Variants in CX3CL1 observed in about 807,000 individuals in gnomAD.
The protein encoded by CX3CL1 is C-X3-C motif chemokine ligand 1.
Under a neutral mutation model 14.1 loss-of-function variants are expected in CX3CL1, and 1 was observed. That is an observed-to-expected ratio of 0.07 (90% confidence interval 0.03 to 0.34). CX3CL1 has a LOEUF of 0.34. CX3CL1 is among the 10% of genes least tolerant of loss of function. The pLI, the probability that CX3CL1 is intolerant of heterozygous loss-of-function variation, is 0.99. For missense variants in CX3CL1, 505 were observed against 536.4 expected (o/e 0.94, Z 0.58); for synonymous variants, 255 against 229.6 (o/e 1.11, Z -1.00).
At chr16:57,379,520 G>T in intron 1 of CX3CL1, 114 bp from the exon 2 acceptor site, 1 of 1,353,784 alleles carries the variant, frequency 7.4e-7, no homozygotes, top group Non-Finnish European at 1.0e-6. Flanking sequence ...GAAGGCCAGG[G>T]TGTACAGGGG....
rs67090371 is a variant in CX3CL1, at chr16:57,384,211, C to T, written c.*1179C>T. 4,602 of 152,568 alleles carry T rather than the reference C, an allele frequency of 0.03. 85 individuals carry two copies. Among genetic ancestry groups the T allele is most frequent in the African/African-American group, 0.045 (1,858 of 41,574 alleles). The allele number at this position is 152,568 out of a possible 1,614,324, so 9.5% of individuals were successfully genotyped here. On this transcript the variant is annotated 3_prime_UTR_variant, in exon 3 of 3. Coordinates refer to ENST00000006053, the MANE Select transcript of CX3CL1 (RefSeq NM_002996.6). ...CGCCAGATTCTTTCCTGAGGCTGGG[C>T]TCCCTTCCCACCTCTCTCACTCCTT...
Position 57,383,168 on chromosome 16 carries a change from A to G in CX3CL1, c.*136A>G. The G allele has an allele frequency of 1.3e-6, 1 of 760,018 alleles. No individual in the cohort carries two copies. Among genetic ancestry groups the G allele is most frequent in the Non-Finnish European group, 1.9e-6 (1 of 535,104 alleles). 47.1% of individuals were successfully genotyped at this position (760,018 alleles called of 1,614,324 possible). ...GGAGGTGGGATCCTCCAGGTGCACAAGCTCCAAGCTCCCAGGCATTCCCCA... is the reference window on the plus strand; with the variant it reads ...GGAGGTGGGATCCTCCAGGTGCACAGGCTCCAAGCTCCCAGGCATTCCCCA... On this transcript the variant is annotated 3_prime_UTR_variant, in exon 3 of 3. Coordinates refer to ENST00000006053, the MANE Select transcript of CX3CL1 (RefSeq NM_002996.6).
intron 1 of CX3CL1, chr16:57,378,051 C>T (rs1466859365): frequency 1.3e-5 from 2 of 152,286 alleles, no homozygotes; most frequent in Non-Finnish European, 2.9e-5. Flanking sequence ...ACTCTGCCCC[C>T]ACCTTATTCA....
At position 57,383,047 on chromosome 16, in the gene CX3CL1, T is replaced by C. The variant is rs748165076; in HGVS notation, c.*15T>C. ...TGCCCGTGTGAACTCCTCTGGCCTG[T>C]GTCTAGTTGTTTGATTCAGACAGCT... On this transcript the variant is annotated 3_prime_UTR_variant, in exon 3 of 3. Transcript: ENST00000006053. 2.6e-5 allele frequency: 37 copies of C among 1,398,566 alleles called. No homozygotes were observed. The highest frequency in any genetic ancestry group is 3.5e-5 in the Non-Finnish European group (37 of 1,068,590). 86.6% of individuals were successfully genotyped at this position (1,398,566 alleles called of 1,614,324 possible). A position where few individuals can be genotyped will look rare whatever the true frequency, so the allele number is the denominator to read the frequency against.
Position 57,383,787 on chromosome 16 carries a change from A to T in CX3CL1, c.*755A>T, listed in dbSNP as rs1159195521. 1 of 152,496 alleles carries T rather than the reference A, an allele frequency of 6.6e-6. No individual in the cohort carries two copies. The highest frequency in any genetic ancestry group is 1.9e-4 in the East Asian group (1 of 5,186). 9.4% of individuals were successfully genotyped at this position (152,496 alleles called of 1,614,324 possible). A position where few individuals can be genotyped will look rare whatever the true frequency, so the allele number is the denominator to read the frequency against. ...AAGGAATACCTGTCCCCCTGACAACACTCATTGACCTGAGGCCCTTCTCTC... is the reference window on the plus strand; with the variant it reads ...AAGGAATACCTGTCCCCCTGACAACTCTCATTGACCTGAGGCCCTTCTCTC... On this transcript the variant is annotated 3_prime_UTR_variant, in exon 3 of 3. Coordinates refer to ENST00000006053, the MANE Select transcript of CX3CL1 (RefSeq NM_002996.6).
rs146218029 is a variant in CX3CL1 at position 57,382,542 on chromosome 16, C to A, written c.704C>A (p.Ala235Asp). ...STQASTASSP[A>D]PEENAPSEGQ... ...CAGGCCTCCACTGCGTCCTCCCCAG[C>A]CCCAGAGGAGAATGCTCCGTCTGAA... Residue 235 changes from alanine (A) to aspartate (D), a missense_variant, in exon 3 of 3, where the codon GCC becomes GAC. Physicochemically the swap from Ala to Asp is moderately radical, Grantham distance 126. Coordinates refer to ENST00000006053, the MANE Select transcript of CX3CL1 (RefSeq NM_002996.6). The surrounding 1 kb of genome is among the most constrained non-coding windows in gnomAD (Gnocchi z 6.9). The A allele has an allele frequency of 4.6e-4, 738 of 1,613,950 alleles. No homozygotes were observed. The African/African-American group carries it at 9.1e-3, about 20-fold the overall frequency.
Position 57,384,072 on chromosome 16 carries a change from A to G in CX3CL1, c.*1040A>G, listed in dbSNP as rs1902377915. On this transcript the variant is annotated 3_prime_UTR_variant, in exon 3 of 3. Coordinates refer to ENST00000006053, the MANE Select transcript of CX3CL1 (RefSeq NM_002996.6). ...CGCTAAGAGGGAGGGAGGGCTCCAGACACATGTCCAAGAAGCCCAGGAAAG... is the reference window on the plus strand; with the variant it reads ...CGCTAAGAGGGAGGGAGGGCTCCAGGCACATGTCCAAGAAGCCCAGGAAAG... 6.6e-6 allele frequency: 1 copy of G among 152,200 alleles called. No individual in the cohort carries two copies. Among genetic ancestry groups the G allele is most frequent in the Non-Finnish European group, 1.5e-5 (1 of 68,054 alleles). The allele number at this position is 152,200 out of a possible 1,614,324, so 9.4% of individuals were successfully genotyped here.
chr16:57,379,303 G>A (rs1347384751), intron 1 of CX3CL1: 2 of 357,236 alleles, frequency 5.6e-6, no homozygotes, highest in Non-Finnish European at 5.0e-6. Context: ...TCCAGCCTGG[G>A]CAACAAGAGC....
At position 57,383,483 on chromosome 16, in the gene CX3CL1, G is replaced by A. The variant is rs1263436828; in HGVS notation, c.*451G>A. ...CCTGCTGCAGTTGCCAGTCACCCCG[G>A]CCACCTGCGGTGCTATCTCCCCCAG... On this transcript the variant is annotated 3_prime_UTR_variant, in exon 3 of 3. Coordinates refer to ENST00000006053, the MANE Select transcript of CX3CL1 (RefSeq NM_002996.6). The A allele has an allele frequency of 5.1e-5, 8 of 156,550 alleles. No homozygotes were observed. Among genetic ancestry groups the A allele is most frequent in the Middle Eastern group, 3.0e-3 (1 of 336 alleles). 9.7% of individuals were successfully genotyped at this position (156,550 alleles called of 1,614,324 possible).
intron 1 of CX3CL1, chr16:57,377,302 G>A (rs1320961118): frequency 2.0e-5 from 3 of 152,326 alleles, no homozygotes; most frequent in Non-Finnish European, 4.4e-5. Context: ...AGGGCCTGGG[G>A]AGGCTGCAGG....
At chr16:57,374,023 A>T (rs1347202033) in intron 1 of CX3CL1, among the ~76,000 whole-genome samples, 1 of 152,124 alleles carries the variant, frequency 6.6e-6, no homozygotes, top group Non-Finnish European at 1.5e-5. Context: ...TAGCAGCCTG[A>T]GGCTTTAGAA....
intron 1 of CX3CL1, chr16:57,379,004 TC>T (rs1567553660): frequency 6.6e-6 from 1 of 151,922 alleles, no homozygotes; most frequent in Non-Finnish European, 1.5e-5. Context: ...CTCAGATTCA[TC>T]CCCCCTGCTG....
chr16:57,382,687 G>A lies in CX3CL1; in HGVS notation c.849G>A (p.Met283Ile). The A allele has an allele frequency of 6.2e-7, 1 of 1,612,368 alleles. No homozygotes were observed. Among genetic ancestry groups the A allele is most frequent in the Non-Finnish European group, 8.5e-7 (1 of 1,178,942 alleles). Residue 283 changes from methionine (M) to isoleucine (I), a missense_variant, in exon 3 of 3, where the codon ATG becomes ATA. Coordinates refer to ENST00000006053, the MANE Select transcript of CX3CL1 (RefSeq NM_002996.6). The surrounding 1 kb of genome is among the most constrained non-coding windows in gnomAD (Gnocchi z 6.9). ...TCCAGGACTGGGGGCCTGGCAGCAT[G>A]GCCCACGTCTCTGTGGTCCCTGTCT... Reference protein sequence around the residue: ...DAFQDWGPGSMAHVSVVPVSS... With the variant: ...DAFQDWGPGSIAHVSVVPVSS...
chr16:57,380,844 G>GC (rs1902309874), intron 2 of CX3CL1, among the ~76,000 whole-genome samples: 2 of 152,148 alleles, frequency 1.3e-5, no homozygotes, highest in Admixed American at 6.5e-5. Flanking sequence ...TAGAGGCCGG[G>GC]CAGCAGGAAA....
intron 2 of CX3CL1, among the ~76,000 whole-genome samples, chr16:57,380,961 C>T (rs764328387): frequency 2.7e-4 from 41 of 152,166 alleles, no homozygotes; most frequent in Non-Finnish European, 5.0e-4. Flanking sequence ...GTGCTCCTGC[C>T]GGACCTCTTT....
rs1034247097 is a variant in CX3CL1 at position 57,379,840 on chromosome 16, G to T, written c.191+86G>T. ...TCTGAGAATCTACGTCCACACCTCC[G>T]CTCCCAGACCTGGGCTCCCAGCCAA... On this transcript the variant is annotated intron_variant, in intron 2 of 2. Coordinates refer to ENST00000006053, the MANE Select transcript of CX3CL1 (RefSeq NM_002996.6). The T allele has an allele frequency of 5.3e-6, 8 of 1,513,064 alleles. No individual in the cohort carries two copies. The African/African-American group carries it at 8.2e-5, about 16-fold the overall frequency. The allele number at this position is 1,513,064 out of a possible 1,614,324, so 93.7% of individuals were successfully genotyped here.
rs1445251424 is a variant in CX3CL1, at chr16:57,379,766, C to A, written c.191+12C>A. 6.2e-7 allele frequency: 1 copy of A among 1,614,060 alleles called. No individual in the cohort carries two copies. The highest frequency in any genetic ancestry group is 2.2e-5 in the East Asian group (1 of 44,894). ...AAACGCGCAATCATGTAGGTACTGC[C>A]CTCGAGGCCTCTGAAATCCCCTTTG... On this transcript the variant is annotated intron_variant, in intron 2 of 2. Coordinates refer to ENST00000006053, the MANE Select transcript of CX3CL1 (RefSeq NM_002996.6).
chr16:57,379,416 A>C (rs1475250136), intron 1 of CX3CL1: 3 of 554,948 alleles, frequency 5.4e-6, no homozygotes, highest in African/African-American at 1.9e-5. Flanking sequence ...CAACAAGACT[A>C]TGAGGTAGAT....
chr16:57,382,294 G>A lies in CX3CL1; in HGVS notation c.456G>A (p.Gly152=). 2 of 1,606,674 alleles carry A rather than the reference G, an allele frequency of 1.2e-6. No individual in the cohort carries two copies. The highest frequency in any genetic ancestry group is 1.7e-6 in the Non-Finnish European group (2 of 1,176,170). The change falls in exon 3 of 3, where the codon GGG becomes GGA. Residue 152 remains glycine, a synonymous_variant. Transcript: ENST00000006053. The surrounding 1 kb of genome is among the most constrained non-coding windows in gnomAD (Gnocchi z 6.9). ...CCCAGGAAGCACAGAGGGCCCTGGG[G>A]ACCTCCCCAGAGCTGCCGACGGGCG... ...PSSQEAQRAL[G]TSPELPTGVT...
Sources: gnomAD v4.1 joint callset for allele counts (sites outside exome capture counted in the v4.1 genomes callset) on GRCh38, gnomAD v4.1.1 for gene constraint, Gnocchi (gnomAD v3.1) non-coding constraint, MANE v1.5 for transcripts, NCBI Gene and HGNC (gene_info 2026-07-23, HGNC 2026-07-21) for gene names.